Variants in GPHN observed in about 807,000 individuals in gnomAD.
GPHN encodes the protein gephyrin.
In GPHN, 17 loss-of-function variants were observed where a neutral mutation model predicts 95.5. That is an observed-to-expected ratio of 0.18 (90% CI 0.12 to 0.27). The LOEUF (loss-of-function observed/expected upper bound fraction) is 0.27, where lower values mean the gene tolerates loss of function less well. Ranked by LOEUF, GPHN falls within the 10% of genes least tolerant of loss-of-function variation. The pLI is 1.00. For synonymous variants in GPHN, 320 were observed against 322.5 expected (o/e 0.99, Z 0.08); for missense variants, 660 against 978.1 (o/e 0.67, Z 4.34).
At chr14:67,662,191 C>A in the GPHN span, among the ~76,000 whole-genome samples, 12,070 of 149,516 alleles carry the variant, frequency 0.081, 666 homozygotes, top group East Asian at 0.23. Flanking sequence ...AAAAAAAAAA[C>A]AACAGATTTT....
chr14:67,280,853 T>TTCCTTCCTTCCTTCCTTCCCTCCC, the GPHN span, among the ~76,000 whole-genome samples: 3 of 77,606 alleles, frequency 3.9e-5, no homozygotes, highest in African/African-American at 2.0e-4. Flanking sequence ...CCTTCCTTCC[T>TTCCTTCCTTCCTTCCTTCCCTCCC]TCCCTCCCTC....
rs1208699581 is a variant in GPHN at position 67,049,573 on chromosome 14, C to T, written c.1007-9076C>T. 6.6e-5 allele frequency among the ~76,000 whole-genome samples: 10 copies of T among 150,684 alleles called. No homozygotes were observed. The East Asian group carries it at 1.4e-3, about 21-fold the overall frequency. On this transcript the variant is annotated intron_variant, in intron 10 of 22. Transcript: ENST00000478722. ...CTGTTGCCAGGCTGGAGTGCAGGGGCGTGATCTCAGCTCACTGCAACCTCC... is the reference window on the plus strand; with the variant it reads ...CTGTTGCCAGGCTGGAGTGCAGGGGTGTGATCTCAGCTCACTGCAACCTCC...
intron 5 of GPHN, among the ~76,000 whole-genome samples, chr14:66,885,815 A>G (rs1035444168): frequency 1.2e-4 from 18 of 150,206 alleles, no homozygotes; most frequent in African/African-American, 4.0e-4. Context: ...CTTATTTCTT[A>G]CACAGAACAC....
the GPHN span, among the ~76,000 whole-genome samples, chr14:67,207,673 A>G: frequency 1.4e-3 from 206 of 152,342 alleles, 2 homozygotes; most frequent in Non-Finnish European, 1.3e-3. Context: ...TTCTGAGCGA[A>G]TCAGAGAGTG....
chr14:66,812,165 G>A (rs1217332323), intron 3 of GPHN, among the ~76,000 whole-genome samples: 1 of 152,132 alleles, frequency 6.6e-6, no homozygotes, highest in East Asian at 1.9e-4. Flanking sequence ...TAAACTCCCT[G>A]TATTTCTGGC....
intron 11 of GPHN, among the ~76,000 whole-genome samples, chr14:67,088,528 T>C (rs2077000064): frequency 6.6e-6 from 1 of 152,198 alleles, no homozygotes; most frequent in Non-Finnish European, 1.5e-5. Context: ...TTGTTGATAG[T>C]TTGGTTTCTT....
chr14:66,514,556 A>G (rs2058166359), intron 1 of GPHN, among the ~76,000 whole-genome samples: 1 of 152,052 alleles, frequency 6.6e-6, no homozygotes, highest in Non-Finnish European at 1.5e-5. Context: ...AAAGAGAAAT[A>G]TAGGATATTA....
At chr14:67,066,698 C>G (rs1567283912) in intron 11 of GPHN, among the ~76,000 whole-genome samples, 1 of 152,066 alleles carries the variant, frequency 6.6e-6, no homozygotes, top group South Asian at 2.1e-4. Flanking sequence ...TCACTGATAT[C>G]CTTTCTTCCA....
At chr14:66,796,395 G>T (rs1043757183) in intron 3 of GPHN, among the ~76,000 whole-genome samples, 1 of 151,566 alleles carries the variant, frequency 6.6e-6, no homozygotes, top group East Asian at 1.9e-4. Flanking sequence ...TGGAACATAT[G>T]CCAGCTTAAT....
intron 1 of GPHN, among the ~76,000 whole-genome samples, chr14:66,633,260 TC>T (rs11367905): frequency 0.31 from 47,186 of 152,058 alleles, 11,151 homozygotes; most frequent in African/African-American, 0.63. Context: ...TGTATGTACT[TC>T]AATTTCTTAT....
Position 67,023,673 on chromosome 14 carries a change from C to A in GPHN, c.1004C>A (p.Ala335Asp), listed in dbSNP as rs1555466432. 1 of 1,611,344 alleles carries A rather than the reference C, an allele frequency of 6.2e-7. No homozygotes were observed. Among genetic ancestry groups the A allele is most frequent in the Non-Finnish European group, 8.5e-7 (1 of 1,177,800 alleles). The change falls in exon 10 of 23, where the codon GCC becomes GAC. Residue 335 changes from alanine (A) to aspartate (D), a missense_variant and splice_region_variant. Coordinates refer to ENST00000478722, the MANE Select transcript of GPHN (RefSeq NM_020806.5). ...RCSSKENILR[A>D]SHSAVDITKV... Reference sequence around the variant, plus strand: ...AGCAGCAAGGAGAACATTCTCAGAGCCAGTAAGTATTTTACCATTTCTGGT... The same window carrying A: ...AGCAGCAAGGAGAACATTCTCAGAGACAGTAAGTATTTTACCATTTCTGGT...
intron 2 of GPHN, among the ~76,000 whole-genome samples, chr14:66,728,618 C>G (rs149917321): frequency 1.3e-5 from 2 of 152,204 alleles, no homozygotes; most frequent in Non-Finnish European, 2.9e-5. Context: ...TTCAGACTTG[C>G]GTGGGGGCTT....
the GPHN span, among the ~76,000 whole-genome samples, chr14:67,484,718 G>A: frequency 2.6e-5 from 4 of 151,976 alleles, no homozygotes; most frequent in Non-Finnish European, 5.9e-5. Context: ...GAGCCCAGGA[G>A]TTTGAGACCA....
chr14:66,871,557 G>T (rs778917267), intron 4 of GPHN, among the ~76,000 whole-genome samples: 3 of 152,130 alleles, frequency 2.0e-5, no homozygotes, highest in Admixed American at 1.3e-4. Context: ...GTAGTGTTTC[G>T]TCTTGGTAAG....
chr14:67,474,074 A>G, the GPHN span: 1 of 991,662 alleles, frequency 1.0e-6, no homozygotes, highest in Non-Finnish European at 1.4e-6. Context: ...CATCATGGTG[A>G]AACCCCGTCT....
chr14:67,162,138 A>AT (rs1196645857), intron 19 of GPHN, among the ~76,000 whole-genome samples: 1 of 152,134 alleles, frequency 6.6e-6, no homozygotes, highest in Non-Finnish European at 1.5e-5. Flanking sequence ...ATAACAAAAT[A>AT]TTTTTTTGCA....
At chr14:67,546,607 C>T in the GPHN span, among the ~76,000 whole-genome samples, 1 of 152,210 alleles carries the variant, frequency 6.6e-6, no homozygotes, top group Non-Finnish European at 1.5e-5. Flanking sequence ...TCAGGCTGGT[C>T]TTGAACTCCC....
At chr14:66,992,244 G>A (rs541365116) in intron 9 of GPHN, among the ~76,000 whole-genome samples, 57 of 152,064 alleles carry the variant, frequency 3.7e-4, no homozygotes, top group African/African-American at 1.2e-3. Context: ...AAAGGAATAT[G>A]GTTCATGAAG....
At chr14:66,595,884 G>T (rs997146437) in intron 1 of GPHN, among the ~76,000 whole-genome samples, 1 of 152,212 alleles carries the variant, frequency 6.6e-6, no homozygotes, top group African/African-American at 2.4e-5. Context: ...CAGGTCCTGA[G>T]TTCTTGTCCT....
Sources: gnomAD v4.1 joint callset for allele counts (sites outside exome capture counted in the v4.1 genomes callset) on GRCh38, gnomAD v4.1.1 for gene constraint, MANE v1.5 for transcripts, NCBI Gene and HGNC (gene_info 2026-07-23, HGNC 2026-07-21) for gene names.